GPHN: variants seen among roughly 807,000 people sequenced by gnomAD.
GPHN encodes the protein gephyrin.
In GPHN, 17 loss-of-function variants were observed where a neutral mutation model predicts 95.5. That is an observed-to-expected ratio of 0.18 (90% confidence interval 0.12 to 0.27). The LOEUF is 0.27. Among genes scored for constraint, GPHN ranks in the 10% least tolerant of loss-of-function variants. The pLI is 1.00. For synonymous variants in GPHN, 320 were observed against 322.5 expected (o/e 0.99, Z 0.08); for missense variants, 660 against 978.1 (o/e 0.67, Z 4.34).
chr14:67,295,489 CA>C, the GPHN span, among the ~76,000 whole-genome samples: 115 of 113,190 alleles, frequency 1.0e-3, no homozygotes, highest in East Asian at 9.1e-3. Context: ...GACCCTGTCT[CA>C]AAAAAAAAAA....
At chr14:67,277,907 G>A in the GPHN span, among the ~76,000 whole-genome samples, 1 of 152,172 alleles carries the variant, frequency 6.6e-6, no homozygotes, top group African/African-American at 2.4e-5. Context: ...TAAAAGTTCA[G>A]TTTTCTTATC....
At chr14:67,235,486 C>T in the GPHN span, among the ~76,000 whole-genome samples, 11 of 152,122 alleles carry the variant, frequency 7.2e-5, no homozygotes, top group East Asian at 2.1e-3. Context: ...GAGGCCGAGG[C>T]GGGCGGATCA....
chr14:66,943,689 A>AG (rs1295139668), intron 8 of GPHN, among the ~76,000 whole-genome samples: 1 of 270 alleles, frequency 3.7e-3, no homozygotes, highest in African/African-American at 0.019. Context: ...TGATCCAAGC[A>AG]CTATCTTCCT....
rs947536255 is a variant in GPHN at position 67,106,732 on chromosome 14, G to A, written c.1294-3408G>A. On this transcript the variant is annotated intron_variant, in intron 13 of 22. Transcript: ENST00000478722. ...GTTTTGCTGATTTTGTTGAATTATC[G>A]CTAGGTTTTGTTTTTGTTTTTGTTT... 9.2e-5 allele frequency among the ~76,000 whole-genome samples: 14 copies of A among 151,914 alleles called. No homozygotes were observed. The East Asian group carries it at 9.7e-4, about 10-fold the overall frequency.
intron 6 of GPHN, among the ~76,000 whole-genome samples, chr14:66,916,617 A>G (rs942404034): frequency 6.6e-6 from 1 of 150,672 alleles, no homozygotes; most frequent in Non-Finnish European, 1.5e-5. Flanking sequence ...AGTCTCCAGT[A>G]TGTTCCAGAA....
chr14:67,286,151 C>G, the GPHN span, among the ~76,000 whole-genome samples: 1 of 152,330 alleles, frequency 6.6e-6, no homozygotes, highest in South Asian at 2.1e-4. Context: ...GCTAGATTTG[C>G]TATGCCTGCC....
chr14:66,923,518 A>G (rs2153561827), intron 7 of GPHN, among the ~76,000 whole-genome samples: 1 of 152,276 alleles, frequency 6.6e-6, no homozygotes, highest in East Asian at 1.9e-4. Flanking sequence ...GGACAATATC[A>G]AAGTATTACA....
intron 11 of GPHN, among the ~76,000 whole-genome samples, chr14:67,076,920 T>C (rs567690033): frequency 2.0e-4 from 31 of 152,294 alleles, no homozygotes; most frequent in African/African-American, 7.2e-4. Flanking sequence ...CCTGGACCAC[T>C]GAACTTAGAG....
At chr14:66,811,799 C>G (rs1469527437) in intron 3 of GPHN, among the ~76,000 whole-genome samples, 1 of 152,150 alleles carries the variant, frequency 6.6e-6, no homozygotes, top group African/African-American at 2.4e-5. Flanking sequence ...GTTTAAGCTA[C>G]TTTGAGAATA....
At chr14:66,812,627 G>A (rs996032765) in intron 3 of GPHN, among the ~76,000 whole-genome samples, 16 of 152,122 alleles carry the variant, frequency 1.1e-4, no homozygotes, top group African/African-American at 3.4e-4. Context: ...AAGTGAAAAA[G>A]AAAGTAGCTG....
At chr14:67,193,370 T>G in the GPHN span, among the ~76,000 whole-genome samples, 6 of 139,554 alleles carry the variant, frequency 4.3e-5, no homozygotes, top group African/African-American at 1.5e-4. Context: ...ATAATCTATC[T>G]ATATATCTAG....
the GPHN span, among the ~76,000 whole-genome samples, chr14:67,490,645 G>C: frequency 6.6e-6 from 1 of 152,106 alleles, no homozygotes; most frequent in East Asian, 1.9e-4. Context: ...GGGCTTGCAG[G>C]ATTGAGTCTC....
At chr14:67,192,146 GC>G in the GPHN span, among the ~76,000 whole-genome samples, 1 of 152,172 alleles carries the variant, frequency 6.6e-6, no homozygotes, top group Non-Finnish European at 1.5e-5. Context: ...TCTGCATCCT[GC>G]CTGCTTAATT....
At chr14:66,649,929 T>A (rs947275508) in intron 1 of GPHN, among the ~76,000 whole-genome samples, 4 of 152,174 alleles carry the variant, frequency 2.6e-5, no homozygotes, top group Non-Finnish European at 5.9e-5. Context: ...CACTTTCATC[T>A]GCTTCTCTTT....
intron 1 of GPHN, among the ~76,000 whole-genome samples, chr14:66,679,975 T>C (rs2066844385): frequency 6.6e-6 from 1 of 152,178 alleles, no homozygotes; most frequent in Admixed American, 6.5e-5. Flanking sequence ...ATACCAAATA[T>C]TGTTTATAAT....
chr14:66,674,928 A>G (rs1040228154), intron 1 of GPHN, among the ~76,000 whole-genome samples: 3 of 152,218 alleles, frequency 2.0e-5, no homozygotes, highest in Admixed American at 2.0e-4. Flanking sequence ...TAATTTACAT[A>G]TCCACAAACA....
the GPHN span, among the ~76,000 whole-genome samples, chr14:67,723,493 C>A: frequency 6.6e-6 from 1 of 152,156 alleles, no homozygotes; most frequent in East Asian, 1.9e-4. Flanking sequence ...CGTTGGCCTC[C>A]CAAGATGTTG....
intron 5 of GPHN, among the ~76,000 whole-genome samples, chr14:66,889,930 CATT>C (rs2064388499): frequency 6.6e-6 from 1 of 151,964 alleles, no homozygotes. Context: ...AAAATGGAGT[CATT>C]AGTACCAATT....
the GPHN span, among the ~76,000 whole-genome samples, chr14:67,404,386 G>A: frequency 6.6e-6 from 1 of 152,316 alleles, no homozygotes; most frequent in Non-Finnish European, 1.5e-5. Context: ...TACTCAGGAG[G>A]CTGAGGCAGG....
Sources: allele counts gnomAD v4.1 joint callset (sites outside exome capture counted in the v4.1 genomes callset), GRCh38; gene constraint gnomAD v4.1.1; transcripts MANE v1.5; gene names NCBI Gene and HGNC (gene_info 2026-07-23, HGNC 2026-07-21).